The following NSG2 variants were observed in gnomAD, a reference collection of about 807,000 sequenced individuals.
NSG2 encodes neuronal vesicle trafficking-associated protein 2.
A neutral mutation model predicts 16.9 loss-of-function variants in NSG2; 4 were observed. The observed-to-expected ratio is 0.24, with a 90% confidence interval of 0.12 to 0.54. NSG2 has a LOEUF of 0.54. Among genes scored for constraint, NSG2 ranks in the 20% least tolerant of loss-of-function variants. The pLI is 0.95. For missense variants in NSG2, 179 were observed against 221.1 expected, an observed-to-expected ratio of 0.81 and a Z score of 1.21; for synonymous variants, 98 against 88.7, an observed-to-expected ratio of 1.11 and a Z score of -0.59.
intron 3 of NSG2, among the ~76,000 whole-genome samples, chr5:174,084,427 C>T (rs140524700): frequency 3.9e-5 from 6 of 152,336 alleles, no homozygotes; most frequent in African/African-American, 1.4e-4. Flanking sequence ...GATGAGTCCT[C>T]AGGGCCTCGG....
intron 2 of NSG2, 61 bp downstream of exon 2, chr5:174,046,945 C>A: frequency 6.3e-7 from 1 of 1,575,990 alleles, no homozygotes; most frequent in East Asian, 2.3e-5. Flanking sequence ...GGAAATAAAG[C>A]AGCAAAAAAT....
intron 4 of NSG2, among the ~76,000 whole-genome samples, chr5:174,104,656 C>T (rs1204519290): frequency 1.3e-5 from 2 of 152,128 alleles, no homozygotes; most frequent in African/African-American, 2.4e-5. Flanking sequence ...CGGCTTGGTG[C>T]GGGTCTTCCT....
chr5:174,099,081 C>T (rs900106630), intron 3 of NSG2, among the ~76,000 whole-genome samples: 2 of 152,110 alleles, frequency 1.3e-5, no homozygotes, highest in Admixed American at 6.5e-5. Context: ...CCCGGCATGG[C>T]GGGAGCTTTG....
intron 3 of NSG2, among the ~76,000 whole-genome samples, chr5:174,101,044 A>G (rs953400923): frequency 1.3e-5 from 2 of 152,180 alleles, no homozygotes; most frequent in African/African-American, 4.8e-5. Context: ...GCTGGGGCTG[A>G]GGCTCTGAAC....
chr5:174,104,670 T>C (rs1760949825), intron 4 of NSG2, among the ~76,000 whole-genome samples: 1 of 152,130 alleles, frequency 6.6e-6, no homozygotes, highest in African/African-American at 2.4e-5. Flanking sequence ...TCTTCCTGGC[T>C]CAATGGCTGT....
intron 3 of NSG2, among the ~76,000 whole-genome samples, chr5:174,075,572 G>T (rs1168756282): frequency 6.6e-6 from 1 of 152,066 alleles, no homozygotes; most frequent in Non-Finnish European, 1.5e-5. Context: ...GAAATGTGTT[G>T]ATCCAAAAGG....
intron 2 of NSG2, among the ~76,000 whole-genome samples, chr5:174,051,084 G>A (rs926701350): frequency 2.6e-5 from 4 of 152,194 alleles, no homozygotes; most frequent in African/African-American, 7.2e-5. Flanking sequence ...ACCTGCAGCA[G>A]CGGTGCTCCA....
In NSG2 at chr5:174,080,529, C is replaced by T. The variant is rs113604049; in HGVS notation, c.213+16214C>T. On this transcript the variant is annotated intron_variant, in intron 3 of 4. Transcript: ENST00000303177. The stretch of plus-strand genomic sequence containing the variant: ...TTTCTTTCCCTCTTTCTTTCTTTCT[C>T]TCTCTCTCTCTCTCTCTCTCTTTCT... 6.4e-3 allele frequency among the ~76,000 whole-genome samples: 657 copies of T among 102,632 alleles called. 7 individuals are homozygous for T. The highest frequency in any genetic ancestry group is 0.016 in the Middle Eastern group (3 of 192). The allele number at this position is 102,632 out of a possible 152,430, so 67.3% of individuals were successfully genotyped here.
chr5:174,094,126 A>G (rs1316258155), intron 3 of NSG2, among the ~76,000 whole-genome samples: 3 of 152,238 alleles, frequency 2.0e-5, no homozygotes, highest in African/African-American at 7.2e-5. Context: ...GGGCTTTAGA[A>G]TGAGATACTC....
intron 3 of NSG2, among the ~76,000 whole-genome samples, chr5:174,068,791 A>G (rs1345458810): frequency 3.8e-5 from 3 of 79,620 alleles, no homozygotes; most frequent in African/African-American, 1.1e-4. Context: ...TCCTGGTGCT[A>G]TGGAAGGTGC....
At chr5:174,094,567 T>A (rs1760765986) in intron 3 of NSG2, among the ~76,000 whole-genome samples, 2 of 152,160 alleles carry the variant, frequency 1.3e-5, no homozygotes, top group African/African-American at 4.8e-5. Flanking sequence ...CATAGTTACC[T>A]CAGAGAACTG....
intron 3 of NSG2, among the ~76,000 whole-genome samples, chr5:174,073,023 T>C (rs1394179762): frequency 2.6e-5 from 4 of 151,978 alleles, no homozygotes; most frequent in African/African-American, 9.7e-5. Flanking sequence ...AGGAGGTGAA[T>C]GAGCAAACAA....
chr5:174,085,714 T>A (rs1223145939), intron 3 of NSG2, among the ~76,000 whole-genome samples: 2 of 152,194 alleles, frequency 1.3e-5, no homozygotes, highest in Non-Finnish European at 2.9e-5. Flanking sequence ...CTTGTTTGGA[T>A]CATTTTTCCC....
At chr5:174,059,494 C>G (rs904294231) in intron 2 of NSG2, among the ~76,000 whole-genome samples, 7 of 152,182 alleles carry the variant, frequency 4.6e-5, no homozygotes, top group African/African-American at 1.7e-4. Flanking sequence ...TAGTATTTGG[C>G]TACCTTACTA....
intron 2 of NSG2, among the ~76,000 whole-genome samples, chr5:174,053,201 C>T (rs1000040007): frequency 2.0e-5 from 3 of 152,178 alleles, no homozygotes; most frequent in African/African-American, 7.2e-5. Flanking sequence ...ATATCTACCT[C>T]AGAGGGTGCT....
chr5:174,101,674 A>G (rs915614972), intron 3 of NSG2, among the ~76,000 whole-genome samples: 20 of 152,142 alleles, frequency 1.3e-4, no homozygotes, highest in African/African-American at 4.8e-4. Flanking sequence ...ATAGACCACA[A>G]TTTGTTTATT....
At position 174,099,198 on chromosome 5, in the gene NSG2, TAGGAAATCTCGCCCTGGAACCAAACC is replaced by T. The variant is rs1228174070; in HGVS notation, c.214-5025_214-5000del. Among the ~76,000 whole-genome samples, 15 of 152,232 alleles carry T rather than the reference TAGGAAATCTCGCCCTGGAACCAAACC, an allele frequency of 9.9e-5. No homozygotes were observed. In the East Asian group the frequency reaches 2.9e-3, roughly 29 times the overall value. On this transcript the variant is annotated intron_variant, in intron 3 of 4. Transcript: ENST00000303177. ...GCCTCGCAGAACTGAAACCTGCCTGTAGGAAATCTCGCCCTGGAACCAAACCAGGACTCTCCAGCTCCCGCCCCACC... is the reference window on the plus strand; with the variant it reads ...GCCTCGCAGAACTGAAACCTGCCTGTAGGACTCTCCAGCTCCCGCCCCACC...
intron 2 of NSG2, among the ~76,000 whole-genome samples, chr5:174,056,795 C>A (rs1759973556): frequency 6.6e-6 from 1 of 152,196 alleles, no homozygotes; most frequent in African/African-American, 2.4e-5. Context: ...ATTGTTCCTG[C>A]CAATCCTGGG....
intron 3 of NSG2, among the ~76,000 whole-genome samples, chr5:174,080,521 TTCTTTCTCTCTCTC>T (rs1760435046): frequency 2.3e-5 from 2 of 86,856 alleles, no homozygotes; most frequent in Non-Finnish European, 5.2e-5. Flanking sequence ...CCCTCTTTCT[TTCTTTCTCTCTCTC>T]TCTCTCTCTC....
Sources: allele counts gnomAD v4.1 joint callset (sites outside exome capture counted in the v4.1 genomes callset), GRCh38; gene constraint gnomAD v4.1.1; transcripts MANE v1.5; gene names NCBI Gene and HGNC (gene_info 2026-07-23, HGNC 2026-07-21).